ZNF790: variants seen among roughly 807,000 people sequenced by gnomAD.
ZNF790 encodes the protein zinc finger protein 790.
In ZNF790, 8 loss-of-function variants were observed where a neutral mutation model predicts 12.1. That is an observed-to-expected ratio of 0.66 (90% CI 0.39 to 1.19). The LOEUF (loss-of-function observed/expected upper bound fraction) is 1.19, where lower values mean the gene tolerates loss of function less well. Ranked by LOEUF, ZNF790 falls within the 50% of genes most tolerant of loss-of-function variation. The pLI, the probability that ZNF790 is intolerant of heterozygous loss-of-function variation, is 0.01. For missense variants in ZNF790, 707 were observed against 752.2 expected (o/e 0.94, Z 0.70); for synonymous variants, 252 against 244.3 (o/e 1.03, Z -0.29).
At chr19:36,820,436 G>A (rs927397417) in intron 4 of ZNF790, among the ~76,000 whole-genome samples, 2 of 152,180 alleles carry the variant, frequency 1.3e-5, no homozygotes, top group Admixed American at 1.3e-4. Context: ...GTACTATGAT[G>A]AATGTCTTAT....
intron 1 of ZNF790, among the ~76,000 whole-genome samples, chr19:36,832,018 A>T (rs908632809): frequency 6.6e-6 from 1 of 152,202 alleles, no homozygotes; most frequent in Admixed American, 6.5e-5. Flanking sequence ...AAATCTTCCA[A>T]TATACTTGTG....
Position 36,823,729 on chromosome 19 carries a change from A to C in ZNF790, c.71T>G (p.Leu24Arg). ...ATCTCTATATAAATCCCTCTGTTCCAGGTCCAGGCACTCCCACTCCTCCTG... is the reference window on the plus strand; with the variant it reads ...ATCTCTATATAAATCCCTCTGTTCCCGGTCCAGGCACTCCCACTCCTCCTG... ...FSQEEWECLD[L>R]EQRDLYRDVM... Residue 24 changes from leucine (L) to arginine (R), a missense_variant, in exon 3 of 5, where the codon CTG becomes CGG. Physicochemically the swap from Leu to Arg is moderately radical, Grantham distance 102. Coordinates refer to ENST00000356725, the MANE Select transcript of ZNF790 (RefSeq NM_206894.4). The C allele has an allele frequency of 6.2e-7, 1 of 1,613,554 alleles. No individual in the cohort carries two copies. Among genetic ancestry groups the C allele is most frequent in the Non-Finnish European group, 8.5e-7 (1 of 1,179,722 alleles).
chr19:36,844,371 CAACA>C (rs2072158481), intron 1 of ZNF790, among the ~76,000 whole-genome samples: 4 of 148,268 alleles, frequency 2.7e-5, no homozygotes, highest in Admixed American at 2.7e-4. Flanking sequence ...AAACTCCAAA[CAACA>C]AACAAACAAG....
Position 36,817,722 on chromosome 19 carries a change from A to C in ZNF790, c.*711T>G, listed in dbSNP as rs1259922289. On this transcript the variant is annotated 3_prime_UTR_variant, in exon 5 of 5. Transcript: ENST00000356725. ...AGACATGCCAAATAAATTGTATGAC[A>C]TAGTTCAAGGCTTTTCTAGATTAAT... 6.6e-6 allele frequency: 1 copy of C among 152,138 alleles called. No individual in the cohort carries two copies. The highest frequency in any genetic ancestry group is 1.9e-4 in the East Asian group (1 of 5,198). 9.4% of individuals were successfully genotyped at this position (152,138 alleles called of 1,614,324 possible). A position where few individuals can be genotyped will look rare whatever the true frequency, so the allele number is the denominator to read the frequency against.
At position 36,845,959 on chromosome 19, in the gene ZNF790, C is replaced by T. The variant is rs1011413049; in HGVS notation, c.-74+4043G>A. ...CAGTAGCTGGGATTACAGGAATGCA[C>T]CACCACACTTGGCTAATTTTTGTAT... On this transcript the variant is annotated intron_variant, in intron 1 of 4. Transcript: ENST00000528994. Among the ~76,000 whole-genome samples the T allele has an allele frequency of 4.6e-5, 7 of 152,098 alleles. No individual in the cohort carries two copies. In the East Asian group the frequency reaches 1.4e-3, roughly 30 times the overall value.
chr19:36,847,299 C>T (rs757521388), intron 1 of ZNF790, among the ~76,000 whole-genome samples: 4 of 151,330 alleles, frequency 2.6e-5, no homozygotes, highest in African/African-American at 7.3e-5. Flanking sequence ...TGCAGTGAGC[C>T]GAGATTGCGC....
At chr19:36,829,552 T>G (rs546152465) in intron 1 of ZNF790, among the ~76,000 whole-genome samples, 1 of 152,220 alleles carries the variant, frequency 6.6e-6, no homozygotes, top group Admixed American at 6.5e-5. Flanking sequence ...ACATTTGGGT[T>G]GTTTCCACCT....
intron 1 of ZNF790, among the ~76,000 whole-genome samples, chr19:36,846,563 C>CA (rs570774109): frequency 3.7e-4 from 49 of 133,406 alleles, no homozygotes; most frequent in Middle Eastern, 3.8e-3. Flanking sequence ...GACTCCGTCT[C>CA]AAAAAAAAAA....
chr19:36,849,860 A>C (rs1157067040), intron 1 of ZNF790: 1 of 150,798 alleles, frequency 6.6e-6, no homozygotes, highest in Non-Finnish European at 1.5e-5. Context: ...ACACATCTTG[A>C]CCTCACTTCT....
At chr19:36,835,141 T>C (rs1455800397) in intron 1 of ZNF790, among the ~76,000 whole-genome samples, 3 of 152,024 alleles carry the variant, frequency 2.0e-5, no homozygotes, top group Non-Finnish European at 2.9e-5. Flanking sequence ...CAAAAAAAAT[T>C]AGCCGGGCAT....
At position 36,820,041 on chromosome 19, in the gene ZNF790, CA is replaced by C. The variant is rs1398644882; in HGVS notation, c.302del (p.Leu101TrpfsTer3). ...GGTTTTTACAAATTCTCATTATTTC[CA>C]ATTGGGCTATTTCTCTCTCAAAAAT... The part of the protein sequence containing the change: ...NGIFEREIAQ[L>X]EIMRICKNHS... On this transcript the variant is annotated frameshift_variant, in exon 5 of 5. Transcript: ENST00000356725. LOFTEE classifies it low-confidence loss of function (END_TRUNC). 2 of 1,612,712 alleles carry C rather than the reference CA, an allele frequency of 1.2e-6. No homozygotes were observed. Among genetic ancestry groups the C allele is most frequent in the Admixed American group, 1.7e-5 (1 of 59,986 alleles).
chr19:36,832,905 G>A (rs1234374803), intron 1 of ZNF790, among the ~76,000 whole-genome samples: 2 of 150,464 alleles, frequency 1.3e-5, no homozygotes, highest in East Asian at 3.9e-4. Context: ...TAGGACTACA[G>A]CCAAGGCAGG....
chr19:36,828,141 T>C (rs1442509383), intron 1 of ZNF790: 3 of 152,128 alleles, frequency 2.0e-5, no homozygotes, highest in Non-Finnish European at 2.9e-5. Context: ...TATTACACGG[T>C]TTTAAGAAAA....
intron 1 of ZNF790, among the ~76,000 whole-genome samples, chr19:36,827,146 A>ACACACACACACACACC (rs2071838058): frequency 2.1e-5 from 1 of 46,760 alleles, no homozygotes; most frequent in Non-Finnish European, 4.3e-5. Flanking sequence ...ACACACATAT[A>ACACACACACACACACC]TATATATATA....
chr19:36,833,574 G>A (rs2071984000), intron 1 of ZNF790, among the ~76,000 whole-genome samples: 1 of 152,184 alleles, frequency 6.6e-6, no homozygotes, highest in Non-Finnish European at 1.5e-5. Context: ...AGTGGTATAG[G>A]AAGCTTAAAA....
chr19:36,844,900 T>C lies in ZNF790; in HGVS notation c.-74+5102A>G, dbSNP rs951092944. 1.5e-4 allele frequency among the ~76,000 whole-genome samples: 22 copies of C among 149,044 alleles called. No homozygotes were observed. The East Asian group carries it at 3.2e-3, about 21-fold the overall frequency. ...CGTCTCTACTAAAAATACAAAAAAT[T>C]AGCCGGGCGTAGTGGCGGGCGCCTG... On this transcript the variant is annotated intron_variant, in intron 1 of 4. Coordinates refer to the ZNF790 transcript ENST00000528994.
At position 36,825,632 on chromosome 19, in the gene ZNF790, C is replaced by T. The variant is rs367677529; in HGVS notation, c.-13G>A. ...TCACATGGGCCATGACTTAACATTC[C>T]AAGTCCACCAGTCCTTCTCTGGATT... On this transcript the variant is annotated 5_prime_UTR_variant, in exon 2 of 5. Coordinates refer to ENST00000356725, the MANE Select transcript of ZNF790 (RefSeq NM_206894.4). The T allele has an allele frequency of 1.7e-5, 27 of 1,613,892 alleles. No individual in the cohort carries two copies. In the African/African-American group the frequency reaches 3.3e-4, roughly 20 times the overall value.
intron 2 of ZNF790, among the ~76,000 whole-genome samples, chr19:36,825,353 T>G (rs1443115077): frequency 6.6e-6 from 1 of 152,236 alleles, no homozygotes; most frequent in Non-Finnish European, 1.5e-5. Context: ...ACTGTTCCCC[T>G]TAAGGAAATG....
intron 1 of ZNF790, among the ~76,000 whole-genome samples, chr19:36,830,997 G>A (rs542261507): frequency 2.6e-5 from 4 of 152,250 alleles, no homozygotes; most frequent in African/African-American, 9.6e-5. Context: ...AAATTAGCCA[G>A]GTGTGGTGGC....
Sources: gnomAD v4.1 joint callset for allele counts (sites outside exome capture counted in the v4.1 genomes callset) on GRCh38, gnomAD v4.1.1 for gene constraint, MANE v1.5 for transcripts, NCBI Gene and HGNC (gene_info 2026-07-23, HGNC 2026-07-21) for gene names.